FAM234A: variants seen among roughly 807,000 people sequenced by gnomAD.
FAM234A encodes protein FAM234A.
A neutral mutation model predicts 49.1 loss-of-function variants in FAM234A; 42 were observed. The observed-to-expected ratio is 0.86, with a 90% CI of 0.67 to 1.11. The LOEUF (loss-of-function observed/expected upper bound fraction) is 1.11. FAM234A is among the 50% of genes least tolerant of loss of function. The pLI is 0.00. For missense variants in FAM234A, 815 were observed against 745.2 expected (o/e 1.09, Z -1.09); for synonymous variants, 369 against 316.2 (o/e 1.17, Z -1.77).
rs1351876889 is a variant in FAM234A at position 260,025 on chromosome 16, C to A, written c.442C>A (p.Leu148Ile). ...AAVSGANGST[L>I]WERPVAQDVA... ...TGTGTCGGGGGCCAACGGCAGCACG[C>A]TCTGGGAGAGACCTGTGGCCCAAGA... The change falls in exon 5 of 13, where the codon CTC (leucine) becomes ATC (isoleucine). Residue 148 changes from leucine to isoleucine, a missense_variant. Leu to Ile is a conservative substitution (Grantham distance 5). Transcript: ENST00000399932. 1.2e-6 allele frequency: 2 copies of A among 1,613,642 alleles called. No individual in the cohort carries two copies. The highest frequency in any genetic ancestry group is 1.7e-6 in the Non-Finnish European group (2 of 1,180,014).
intron 9 of FAM234A, 112 bp from the exon 10 acceptor site, chr16:263,588 T>A: frequency 1.6e-6 from 2 of 1,258,088 alleles, no homozygotes; most frequent in Non-Finnish European, 2.3e-6. Flanking sequence ...TCCTGGGCCC[T>A]GGTCCAGATG....
chr16:238,462 A>G (rs532598343), intron 1 of FAM234A, among the ~76,000 whole-genome samples: 3 of 152,178 alleles, frequency 2.0e-5, no homozygotes, highest in East Asian at 3.9e-4. Context: ...TTATTAATGA[A>G]TGCATTAATA....
downstream of FAM234A, among the ~76,000 whole-genome samples, chr16:266,448 G>A (rs2051695874): frequency 6.6e-6 from 1 of 152,208 alleles, no homozygotes; most frequent in African/African-American, 2.4e-5. Context: ...AAGGGATGAT[G>A]GTAGGGCCGG....
At chr16:240,857 G>T (rs1953042449) in intron 1 of FAM234A, among the ~76,000 whole-genome samples, 1 of 152,014 alleles carries the variant, frequency 6.6e-6, no homozygotes, top group African/African-American at 2.4e-5. Flanking sequence ...TTTCTAACTG[G>T]TGAAACTAGA....
chr16:268,576 G>A (rs529467251), downstream of FAM234A: 5 of 609,228 alleles, frequency 8.2e-6, no homozygotes, highest in African/African-American at 3.7e-5. Context: ...CTATGGAATC[G>A]GGCCTCGTCA....
At chr16:241,905 C>CA (rs370983209) in intron 1 of FAM234A, among the ~76,000 whole-genome samples, 454 of 78,580 alleles carry the variant, frequency 5.8e-3, no homozygotes, top group South Asian at 0.034. Flanking sequence ...GACAACGTCT[C>CA]AAAAAAAAAA....
chr16:256,142 T>C (rs2051222579), intron 3 of FAM234A, among the ~76,000 whole-genome samples: 1 of 152,256 alleles, frequency 6.6e-6, no homozygotes, highest in Admixed American at 6.5e-5. Context: ...CAGTTGAGAC[T>C]CTTATGAATA....
Position 265,805 on chromosome 16 carries a change from G to A in FAM234A, c.*783G>A, listed in dbSNP as rs1596867437. On this transcript the variant is annotated 3_prime_UTR_variant, in exon 13 of 13. Coordinates refer to ENST00000399932, the MANE Select transcript of FAM234A (RefSeq NM_032039.4). Reference sequence around the variant, plus strand: ...GGCTGTGGAATGCGTGTTTGGGTCAGTCTGTGCCCTCTCAGTAGACACTGG... The same window carrying A: ...GGCTGTGGAATGCGTGTTTGGGTCAATCTGTGCCCTCTCAGTAGACACTGG... 1.0e-6 allele frequency: 1 copy of A among 985,798 alleles called. No homozygotes were observed. The highest frequency in any genetic ancestry group is 4.7e-5 in the South Asian group (1 of 21,292). 61.1% of individuals were successfully genotyped at this position (985,798 alleles called of 1,614,324 possible).
intron 8 of FAM234A, 99 bp downstream of exon 8, chr16:262,652 GC>G: frequency 7.8e-7 from 1 of 1,276,662 alleles, no homozygotes; most frequent in Non-Finnish European, 1.0e-6. Flanking sequence ...GCCCAGAGCA[GC>G]CCCACCGGCA....
chr16:267,539 A>T (rs568853677), downstream of FAM234A, among the ~76,000 whole-genome samples: 312 of 152,110 alleles, frequency 2.1e-3, no homozygotes, highest in Non-Finnish European at 3.3e-3. Context: ...CACACACCAC[A>T]CATGCATGCC....
intron 1 of FAM234A, among the ~76,000 whole-genome samples, chr16:239,697 C>G (rs2050545601): frequency 6.6e-6 from 1 of 151,988 alleles, no homozygotes; most frequent in Non-Finnish European, 1.5e-5. Context: ...AGGCTTACTC[C>G]ATGGTATTTT....
intron 6 of FAM234A, 104 bp downstream of exon 6, chr16:261,618 G>C (rs2051470775): frequency 7.2e-7 from 1 of 1,394,388 alleles, no homozygotes; most frequent in South Asian, 1.4e-5. Flanking sequence ...ATTCGGGTCT[G>C]ACCACTTGCC....
chr16:269,699 G>C, downstream of FAM234A: 1 of 847,662 alleles, frequency 1.2e-6, no homozygotes. Context: ...AGAGTCTCCG[G>C]CGGACAGGGT....
chr16:269,661 A>C, downstream of FAM234A: 1 of 1,196,260 alleles, frequency 8.4e-7, no homozygotes, highest in Non-Finnish European at 1.2e-6. Context: ...AGGAGCAGCC[A>C]AACATTGCTG....
intron 3 of FAM234A, among the ~76,000 whole-genome samples, chr16:258,044 G>A (rs2051306943): frequency 6.6e-6 from 1 of 151,826 alleles, no homozygotes; most frequent in Non-Finnish European, 1.5e-5. Context: ...TTTTAGTAGA[G>A]AAGGTTTCAC....
At chr16:267,875 T>TAC (rs1290452480), downstream of FAM234A, among the ~76,000 whole-genome samples, 2 of 134,622 alleles carry the variant, frequency 1.5e-5, no homozygotes, top group Admixed American at 7.9e-5. Flanking sequence ...ACATGCATCC[T>TAC]ACACGACACA....
intron 1 of FAM234A, among the ~76,000 whole-genome samples, chr16:243,713 C>CT (rs2050696708): frequency 6.6e-6 from 1 of 152,180 alleles, no homozygotes; most frequent in Non-Finnish European, 1.5e-5. Context: ...TCCTGACCAG[C>CT]TTTTTAATTT....
intron 3 of FAM234A, among the ~76,000 whole-genome samples, chr16:256,495 ATCT>A (rs1307859069): frequency 1.3e-5 from 2 of 152,116 alleles, no homozygotes; most frequent in African/African-American, 4.8e-5. Context: ...CTATTCTTGC[ATCT>A]TCTTTGGTGA....
chr16:259,499 G>A lies in FAM234A; in HGVS notation c.285G>A (p.Leu95=), dbSNP rs1355021706. The part of the protein sequence containing the change: ...DYSAAVIYDF[L]AVDDINGDRI... ...CTCTTTCAGTTATCTATGACTTTCT[G>A]GCTGTGGATGATATAAACGGGGACA... Residue 95 remains leucine (L), a synonymous_variant, in exon 4 of 13, where the codon CTG becomes CTA. Transcript: ENST00000399932. 1 of 1,601,984 alleles carries A rather than the reference G, an allele frequency of 6.2e-7. No homozygotes were observed. The highest frequency in any genetic ancestry group is 2.2e-5 in the East Asian group (1 of 44,830).
Sources: allele counts gnomAD v4.1 joint callset (sites outside exome capture counted in the v4.1 genomes callset), GRCh38; gene constraint gnomAD v4.1.1; transcripts MANE v1.5; gene names NCBI Gene and HGNC (gene_info 2026-07-23, HGNC 2026-07-21).